PTPRD: variants seen among roughly 807,000 people sequenced by gnomAD.
PTPRD encodes protein tyrosine phosphatase receptor type D, also known as receptor-type tyrosine-protein phosphatase delta.
A neutral mutation model predicts 214.5 loss-of-function variants in PTPRD; 34 were observed. The ratio of observed to expected loss-of-function variants is 0.16; its 90% CI spans 0.12 to 0.21. The LOEUF is 0.21. Among genes scored for constraint, PTPRD ranks in the 10% least tolerant of loss-of-function variants. The pLI, the probability that PTPRD is intolerant of heterozygous loss-of-function variation, is 1.00. For missense variants in PTPRD, 2,545 were observed against 2,398.7 expected, an observed-to-expected ratio of 1.06 and a Z score of -1.27; for synonymous variants, 1,128 against 845.7, an observed-to-expected ratio of 1.33 and a Z score of -5.79.
At chr9:8,889,565 T>A (rs983243855) in intron 11 of PTPRD, among the ~76,000 whole-genome samples, 2 of 152,214 alleles carry the variant, frequency 1.3e-5, no homozygotes, top group Non-Finnish European at 2.9e-5. Context: ...ACTCATCACC[T>A]GAGCAGTGTA....
rs1231332715 is a variant in PTPRD at position 9,739,177 on chromosome 9, A to G, written c.-325-4606T>C. ...TGAATTCACGTGTATATGCACGTAT[A>G]CATTTTGCATTCACGCATTTACCAA... is the stretch of plus-strand genomic sequence containing the variant. On this transcript the variant is annotated intron_variant, in intron 6 of 45. Coordinates refer to ENST00000381196, the MANE Select transcript of PTPRD (RefSeq NM_002839.4). Among the ~76,000 whole-genome samples the G allele has an allele frequency of 9.2e-5, 14 of 152,338 alleles. No homozygotes were observed. The East Asian group carries it at 2.3e-3, about 25-fold the overall frequency.
At chr9:8,330,057 G>C (rs1269062956) in intron 44 of PTPRD, among the ~76,000 whole-genome samples, 1 of 152,282 alleles carries the variant, frequency 6.6e-6, no homozygotes, top group East Asian at 1.9e-4. Context: ...TGCGGGAGAA[G>C]TGCAGTATCT....
At chr9:8,789,762 G>A (rs997595018) in intron 11 of PTPRD, among the ~76,000 whole-genome samples, 3 of 152,122 alleles carry the variant, frequency 2.0e-5, no homozygotes, top group African/African-American at 7.2e-5. Flanking sequence ...TCGGGAGGGG[G>A]TGGAATTCAA....
chr9:8,510,651 T>C (rs539969547), intron 21 of PTPRD, among the ~76,000 whole-genome samples: 51 of 152,276 alleles, frequency 3.3e-4, no homozygotes, highest in African/African-American at 9.1e-4. Context: ...TGAAATAAAC[T>C]TTCATGATCT....
chr9:10,201,091 T>C (rs895369283), intron 3 of PTPRD, among the ~76,000 whole-genome samples: 10 of 151,992 alleles, frequency 6.6e-5, no homozygotes, highest in African/African-American at 1.9e-4. Context: ...TTTGGAGTTA[T>C]AAAAATGGTA....
intron 5 of PTPRD, among the ~76,000 whole-genome samples, chr9:9,930,466 T>G (rs1005829064): frequency 4.6e-5 from 7 of 152,216 alleles, no homozygotes; most frequent in Non-Finnish European, 8.8e-5. Context: ...CAATTTCTTG[T>G]ATGTTTGAGT....
At chr9:9,760,497 T>C (rs973561790) in intron 6 of PTPRD, among the ~76,000 whole-genome samples, 1 of 151,956 alleles carries the variant, frequency 6.6e-6, no homozygotes, top group Non-Finnish European at 1.5e-5. Context: ...ATTTCTATCC[T>C]TTATTGCTTC....
Position 10,250,219 on chromosome 9 carries a change from C to A in PTPRD, c.-545+90744G>T, listed in dbSNP as rs183771014. Among the ~76,000 whole-genome samples, 65 of 152,158 alleles carry A rather than the reference C, an allele frequency of 4.3e-4. 1 individual carries two copies. The highest frequency in any genetic ancestry group is 1.3e-3 in the African/African-American group (55 of 41,518). ...GAAATGAAGAATCTGATAAAAGTGA[C>A]TATAAAAAAGTAAAAAAGCAAGTGA... On this transcript the variant is annotated intron_variant, in intron 3 of 45. Coordinates refer to ENST00000381196, the MANE Select transcript of PTPRD (RefSeq NM_002839.4).
chr9:10,293,398 G>A (rs1381862914), intron 3 of PTPRD, among the ~76,000 whole-genome samples: 1 of 151,822 alleles, frequency 6.6e-6, no homozygotes, highest in Non-Finnish European at 1.5e-5. Context: ...AAGTTATACA[G>A]AATTAACAAT....
intron 27 of PTPRD, among the ~76,000 whole-genome samples, chr9:8,487,362 AATT>A (rs2097046898): frequency 6.6e-6 from 1 of 152,232 alleles, no homozygotes; most frequent in Non-Finnish European, 1.5e-5. Flanking sequence ...AATGGAGAGC[AATT>A]ATTATTGGAA....
chr9:10,239,443 T>C (rs748030232), intron 3 of PTPRD, among the ~76,000 whole-genome samples: 5 of 152,098 alleles, frequency 3.3e-5, no homozygotes, highest in South Asian at 2.1e-4. Flanking sequence ...AATTTAACTA[T>C]TTCATTGTAA....
chr9:9,772,003 A>T (rs1326688158), intron 5 of PTPRD, among the ~76,000 whole-genome samples: 1 of 152,220 alleles, frequency 6.6e-6, no homozygotes, highest in Non-Finnish European at 1.5e-5. Flanking sequence ...TATTGGTGTT[A>T]TGCGCTGAAT....
At position 10,213,693 on chromosome 9, in the gene PTPRD, G is replaced by C. The variant is rs564715730; in HGVS notation, c.-545+127270C>G. On this transcript the variant is annotated intron_variant, in intron 3 of 45. Transcript: ENST00000381196. The stretch of plus-strand genomic sequence containing the variant: ...TATATGTTTATTTCCCCTTATTTTA[G>C]ATGTTACATTATTTATTGAAGTAAG... 1.7e-4 allele frequency among the ~76,000 whole-genome samples: 26 copies of C among 151,944 alleles called. No homozygotes were observed. In the South Asian group the frequency reaches 4.6e-3, roughly 27 times the overall value.
chr9:9,280,590 A>G (rs1255024705), intron 9 of PTPRD, among the ~76,000 whole-genome samples: 1 of 151,372 alleles, frequency 6.6e-6, no homozygotes, highest in Non-Finnish European at 1.5e-5. Flanking sequence ...TAAGATCCAT[A>G]TCAGGAAAAC....
intron 3 of PTPRD, among the ~76,000 whole-genome samples, chr9:10,236,010 G>A (rs1283010433): frequency 1.3e-5 from 2 of 151,896 alleles, no homozygotes; most frequent in Admixed American, 6.6e-5. Flanking sequence ...AAGCTGTGAT[G>A]TAATGTGGAT....
intron 5 of PTPRD, among the ~76,000 whole-genome samples, chr9:9,813,611 G>T (rs781291644): frequency 6.6e-6 from 1 of 152,028 alleles, no homozygotes; most frequent in Non-Finnish European, 1.5e-5. Flanking sequence ...ATCATGCAAA[G>T]GTTTGAAGCA....
chr9:8,790,191 T>A (rs958655131), intron 11 of PTPRD, among the ~76,000 whole-genome samples: 1 of 151,878 alleles, frequency 6.6e-6, no homozygotes, highest in Non-Finnish European at 1.5e-5. Context: ...ATTTTTTTTA[T>A]TTTTTGTAGA....
intron 14 of PTPRD, among the ~76,000 whole-genome samples, chr9:8,560,472 C>T (rs564185934): frequency 3.6e-5 from 5 of 139,920 alleles, no homozygotes; most frequent in Non-Finnish European, 4.6e-5. Context: ...CACACACACA[C>T]ATATATACAC....
chr9:10,098,986 A>C (rs2154210950), intron 3 of PTPRD, among the ~76,000 whole-genome samples: 1 of 151,874 alleles, frequency 6.6e-6, no homozygotes, highest in Middle Eastern at 3.4e-3. Context: ...AAATAGAACA[A>C]TGGGTGTACC....
Sources: gnomAD v4.1 joint callset for allele counts (sites outside exome capture counted in the v4.1 genomes callset) on GRCh38, gnomAD v4.1.1 for gene constraint, MANE v1.5 for transcripts, NCBI Gene and HGNC (gene_info 2026-07-23, HGNC 2026-07-21) for gene names.